Variants in HDAC9 observed in about 807,000 individuals in gnomAD.
HDAC9 encodes histone deacetylase 9, also known as MEF-2 interacting transcription repressor (MITR) protein.
A neutral mutation model predicts 139.4 loss-of-function variants in HDAC9; 41 were observed. The observed-to-expected ratio is 0.29, with a 90% confidence interval of 0.23 to 0.38. The LOEUF is 0.38. Among genes scored for constraint, HDAC9 ranks in the 10% least tolerant of loss-of-function variants. The pLI, the probability that HDAC9 is intolerant of heterozygous loss-of-function variation, is 1.00. For missense variants in HDAC9, 1,147 were observed against 1,297.0 expected (o/e 0.88, Z 1.78); for synonymous variants, 517 against 476.2 (o/e 1.09, Z -1.12).
intron 7 of HDAC9, among the ~76,000 whole-genome samples, chr7:18,634,140 G>C (rs766846160): frequency 2.0e-5 from 3 of 152,022 alleles, no homozygotes; most frequent in Middle Eastern, 3.4e-3. Flanking sequence ...GCAATAATAA[G>C]GTATAGCCTT....
intron 22 of HDAC9, among the ~76,000 whole-genome samples, chr7:18,904,794 C>G (rs1344636498): frequency 1.3e-5 from 2 of 152,054 alleles, no homozygotes; most frequent in African/African-American, 4.8e-5. Context: ...CCAGGATGGT[C>G]TCGATCTCCT....
At chr7:18,508,583 A>G (rs1289377652) in intron 2 of HDAC9, among the ~76,000 whole-genome samples, 1 of 150,756 alleles carries the variant, frequency 6.6e-6, no homozygotes, top group African/African-American at 2.5e-5. Context: ...CCTTGTTCCT[A>G]AGGTTCACCC....
intron 1 of HDAC9, among the ~76,000 whole-genome samples, chr7:18,381,538 G>A (rs934810349): frequency 6.6e-6 from 1 of 151,922 alleles, no homozygotes; most frequent in African/African-American, 2.4e-5. Flanking sequence ...GCAATGATGG[G>A]ATAAAATATC....
chr7:18,395,547 A>G (rs1449326059), intron 1 of HDAC9, among the ~76,000 whole-genome samples: 1 of 151,886 alleles, frequency 6.6e-6, no homozygotes, highest in Non-Finnish European at 1.5e-5. Flanking sequence ...AAAAAAAAAA[A>G]AAAAACTAGA....
At chr7:18,870,953 A>G (rs764906895) in intron 21 of HDAC9, among the ~76,000 whole-genome samples, 3 of 152,136 alleles carry the variant, frequency 2.0e-5, no homozygotes, top group Non-Finnish European at 2.9e-5. Context: ...ATGAGCTGCA[A>G]TGCCTGGCTC....
rs188751241 is a variant in HDAC9 at position 18,430,902 on chromosome 7, C to A, written c.-41-65360C>A. ...ACTATCTAAACAAACCAAACCAAAC[C>A]AAACAAAACAAAACTAAACCTTACC... On this transcript the variant is annotated intron_variant, in intron 1 of 3. Transcript: ENST00000413509. 3.3e-3 allele frequency among the ~76,000 whole-genome samples: 502 copies of A among 152,150 alleles called. 4 individuals carry two copies. The highest frequency in any genetic ancestry group is 0.011 in the African/African-American group (465 of 41,548).
intron 2 of HDAC9, among the ~76,000 whole-genome samples, chr7:18,203,317 T>C (rs560445643): frequency 6.6e-6 from 1 of 152,338 alleles, no homozygotes; most frequent in African/African-American, 2.4e-5. Flanking sequence ...AAACCGTGTA[T>C]GTTGTCTTCA....
chr7:18,306,525 T>C (rs888510370), intron 1 of HDAC9, among the ~76,000 whole-genome samples: 8 of 152,182 alleles, frequency 5.3e-5, no homozygotes, highest in African/African-American at 1.9e-4. Flanking sequence ...TAAGTTTAAT[T>C]AAGACTGAGT....
rs749900740 is a variant in HDAC9, at chr7:18,591,580, G to T, written c.480G>T (p.Thr160=). The change falls in exon 5 of 26, where the codon ACG becomes ACT. Residue 160 remains threonine, a synonymous_variant. Transcript: ENST00000686413. The part of the protein sequence containing the change: ...LQEFLLSKSA[T]KDTPTNGKNH... ...AGTTCCTACTGAGTAAATCAGCAAC[G>T]AAAGACACTCCAACTAATGGAAAAA... 1 of 1,612,946 alleles carries T rather than the reference G, an allele frequency of 6.2e-7. No homozygotes were observed. Among genetic ancestry groups the T allele is most frequent in the Admixed American group, 1.7e-5 (1 of 59,770 alleles).
chr7:18,755,126 G>T (rs569200932), intron 14 of HDAC9, among the ~76,000 whole-genome samples: 10 of 152,264 alleles, frequency 6.6e-5, no homozygotes, highest in African/African-American at 1.9e-4. Context: ...GTCTCTAAAG[G>T]ATATGGCAGT....
At chr7:18,701,406 AC>A (rs1251569775) in intron 12 of HDAC9, among the ~76,000 whole-genome samples, 15,227 of 141,288 alleles carry the variant, frequency 0.11, 905 homozygotes, top group East Asian at 0.17. Context: ...TTAAAAAAAA[AC>A]AAAACAAACA....
At chr7:18,739,696 G>A (rs1358254557) in intron 13 of HDAC9, among the ~76,000 whole-genome samples, 1 of 152,200 alleles carries the variant, frequency 6.6e-6, no homozygotes, top group Admixed American at 6.5e-5. Context: ...ACTGGGAGAT[G>A]TCTCCCAGTT....
chr7:18,667,737 T>G, intron 12 of HDAC9: 2 of 984,852 alleles, frequency 2.0e-6, no homozygotes, highest in Non-Finnish European at 2.4e-6. Flanking sequence ...TCTTTCTGTT[T>G]TTAAAGGGCA....
intron 2 of HDAC9, among the ~76,000 whole-genome samples, chr7:18,177,893 T>A (rs968256635): frequency 6.6e-6 from 1 of 152,188 alleles, no homozygotes; most frequent in Non-Finnish European, 1.5e-5. Flanking sequence ...GGGCATGGAA[T>A]TGGGGAGGAG....
chr7:18,279,620 C>T (rs1341427986), intron 2 of HDAC9, among the ~76,000 whole-genome samples: 5 of 151,924 alleles, frequency 3.3e-5, no homozygotes. Flanking sequence ...CGCCCGCCAC[C>T]ACAGCTGGCT....
At chr7:18,492,808 C>T (rs1258135306), upstream of HDAC9, among the ~76,000 whole-genome samples, 1 of 151,864 alleles carries the variant, frequency 6.6e-6, no homozygotes, top group Non-Finnish European at 1.5e-5. Flanking sequence ...ACTCAACATT[C>T]TTAATAATGG....
rs1285364319 is a variant in HDAC9 at position 18,472,003 on chromosome 7, T to C, written c.-41-24259T>C. Among the ~76,000 whole-genome samples, 20 of 152,196 alleles carry C rather than the reference T, an allele frequency of 1.3e-4. 1 individual carries two copies. The East Asian group carries it at 3.8e-3, about 29-fold the overall frequency. On this transcript the variant is annotated intron_variant, in intron 1 of 3. Transcript: ENST00000413509. ...TAATGCAAACCAGGCTGCAGACCTC[T>C]GAGGTCCATGCTGATTCTTCTCTCC...
intron 1 of HDAC9, among the ~76,000 whole-genome samples, chr7:18,377,322 C>T (rs1440970790): frequency 6.6e-6 from 1 of 152,136 alleles, no homozygotes; most frequent in Non-Finnish European, 1.5e-5. Context: ...AATACCATCA[C>T]ATTGGAGGTT....
chr7:18,240,117 C>A (rs1346793014), intron 2 of HDAC9, among the ~76,000 whole-genome samples: 1 of 152,086 alleles, frequency 6.6e-6, no homozygotes, highest in African/African-American at 2.4e-5. Context: ...TGTTTAAGAT[C>A]TAAATGTAAG....
Sources: allele counts gnomAD v4.1 joint callset (sites outside exome capture counted in the v4.1 genomes callset), GRCh38; gene constraint gnomAD v4.1.1; transcripts MANE v1.5; gene names NCBI Gene and HGNC (gene_info 2026-07-23, HGNC 2026-07-21).